Variants in SPDYE1 observed in about 807,000 individuals in gnomAD.
SPDYE1 encodes speedy/RINGO cell cycle regulator family member E1.
A neutral mutation model predicts 45.9 loss-of-function variants in SPDYE1; 29 were observed. The ratio of observed to expected loss-of-function variants is 0.63; its 90% CI spans 0.47 to 0.86. The LOEUF is 0.86. Among genes scored for constraint, SPDYE1 ranks in the 40% least tolerant of loss-of-function variants. The probability of loss-of-function intolerance (pLI) is 0.00; values close to 1 mark genes in which losing one functional copy is unlikely to be tolerated. For synonymous variants in SPDYE1, 134 were observed against 176.8 expected, an observed-to-expected ratio of 0.76 and a Z score of 1.92; for missense variants, 346 against 481.4, an observed-to-expected ratio of 0.72 and a Z score of 2.63.
Position 44,009,293 on chromosome 7 carries a change from T to C in SPDYE1, c.*672T>C, listed in dbSNP as rs1398783497. 8 of 151,772 alleles carry C rather than the reference T, an allele frequency of 5.3e-5. No homozygotes were observed. Among genetic ancestry groups the C allele is most frequent in the African/African-American group, 2.0e-4 (8 of 40,708 alleles). The allele number at this position is 151,772 out of a possible 1,614,324, so 9.4% of individuals were successfully genotyped here. A position where few individuals can be genotyped will look rare whatever the true frequency, so the allele number is the denominator to read the frequency against. On this transcript the variant is annotated 3_prime_UTR_variant, in exon 9 of 9. Transcript: ENST00000693451. Reference sequence around the variant, plus strand: ...TTTTCATTTTTGAGACAATTCTTTTTATCCTAAATATTTTATCATCTTTAA... The same window carrying C: ...TTTTCATTTTTGAGACAATTCTTTTCATCCTAAATATTTTATCATCTTTAA...
intron 4 of SPDYE1, among the ~76,000 whole-genome samples, chr7:44,003,024 A>C (rs2096066005): frequency 1.4e-5 from 1 of 72,740 alleles, no homozygotes; most frequent in Non-Finnish European, 2.6e-5. Flanking sequence ...TTGGGATAAG[A>C]AAGCTTGGTT....
intron 6 of SPDYE1, among the ~76,000 whole-genome samples, chr7:44,006,825 G>A (rs1279981514): frequency 6.6e-6 from 1 of 152,206 alleles, no homozygotes; most frequent in Non-Finnish European, 1.5e-5. Flanking sequence ...TGTTGACCAG[G>A]CTGGTCTCCA....
chr7:44,008,612 T>G, intron 8 of SPDYE1, 55 bp from the exon 9 acceptor site: 3 of 1,214,260 alleles, frequency 2.5e-6, no homozygotes, highest in Non-Finnish European at 3.1e-6. Context: ...GTGAATAACC[T>G]TCCTGTCTAG....
chr7:43,998,083 G>T (rs2096057882), intron 1 of SPDYE1, among the ~76,000 whole-genome samples, 124 bp downstream of exon 1: 1 of 151,990 alleles, frequency 6.6e-6, no homozygotes, highest in Non-Finnish European at 1.5e-5. Flanking sequence ...TTGAAAGCCT[G>T]TTAACTAGGA....
Position 44,007,605 on chromosome 7 carries a change from G to A in SPDYE1, c.1071+19G>A, listed in dbSNP as rs1289410655. 2 of 1,612,572 alleles carry A rather than the reference G, an allele frequency of 1.2e-6. No homozygotes were observed. Among genetic ancestry groups the A allele is most frequent in the African/African-American group, 1.3e-5 (1 of 75,014 alleles). On this transcript the variant is annotated intron_variant, in intron 7 of 8. Coordinates refer to ENST00000693451, the MANE Select transcript of SPDYE1 (RefSeq NM_001378423.2). ...GGAGGAGGTGAGTGGGGCCTGGGGA[G>A]GTGGAGGAGGTGGGGAGGAATTGGG...
chr7:44,008,799 T>C lies in SPDYE1; in HGVS notation c.*178T>C. 1 of 884,204 alleles carries C rather than the reference T, an allele frequency of 1.1e-6. No individual in the cohort carries two copies. Among genetic ancestry groups the C allele is most frequent in the Non-Finnish European group, 1.6e-6 (1 of 616,734 alleles). The allele number at this position is 884,204 out of a possible 1,614,324, so 54.8% of individuals were successfully genotyped here. ...GAACCTGGACCATTCTTGATGGAGC[T>C]GAATACAGTGATCACGTTGTCCTCC... On this transcript the variant is annotated 3_prime_UTR_variant, in exon 9 of 9. Coordinates refer to ENST00000693451, the MANE Select transcript of SPDYE1 (RefSeq NM_001378423.2).
rs1298013341 is a variant in SPDYE1 at position 44,003,841 on chromosome 7, C to T, written c.608-12C>T. 1 of 947,470 alleles carries T rather than the reference C, an allele frequency of 1.1e-6. No homozygotes were observed. The highest frequency in any genetic ancestry group is 1.6e-6 in the Non-Finnish European group (1 of 638,546). The allele number at this position is 947,470 out of a possible 1,614,324, so 58.7% of individuals were successfully genotyped here. A position where few individuals can be genotyped will look rare whatever the true frequency, so the allele number is the denominator to read the frequency against. On this transcript the variant is annotated splice_polypyrimidine_tract_variant and intron_variant, in intron 4 of 8. Transcript: ENST00000693451. ...CCTGCTTCTCACACTGACATCTGCT[C>T]TCTAATCACAGAGGATCCTGTCATT...
At position 44,009,438 on chromosome 7, in the gene SPDYE1, A is replaced by G. The variant is rs1264558044; in HGVS notation, c.*817A>G. 1.3e-5 allele frequency: 2 copies of G among 151,790 alleles called. No individual in the cohort carries two copies. The highest frequency in any genetic ancestry group is 2.9e-5 in the Non-Finnish European group (2 of 67,996). The allele number at this position is 151,790 out of a possible 1,614,324, so 9.4% of individuals were successfully genotyped here. The stretch of plus-strand genomic sequence containing the variant: ...AGTTCCCCTAAATTCTGACGATAGA[A>G]ATTTTTATTTGCTGTTTAGGTTTGT... On this transcript the variant is annotated 3_prime_UTR_variant, in exon 9 of 9. Transcript: ENST00000693451.
chr7:44,002,650 G>T lies in SPDYE1; in HGVS notation c.440G>T (p.Trp147Leu). The T allele has an allele frequency of 6.3e-7, 1 of 1,597,538 alleles. No homozygotes were observed. The highest frequency in any genetic ancestry group is 8.5e-7 in the Non-Finnish European group (1 of 1,179,912). Residue 147 changes from tryptophan to leucine, a missense_variant, in exon 4 of 9, where the codon TGG becomes TTG. Physicochemically the swap from Trp to Leu is moderately conservative, Grantham distance 61 (BLOSUM62 -2). Around this residue, in one of 4 missense-constraint regions of SPDYE1, gnomAD observed 141 missense variants for 176.7 expected, o/e 0.80. Transcript: ENST00000693451. Reference sequence around the variant, plus strand: ...TTTTGCTGGAAAAGGAAGATGGAGTGGTGGGACAAATCTGAGGAGTCGGAG... The same window carrying T: ...TTTTGCTGGAAAAGGAAGATGGAGTTGTGGGACAAATCTGAGGAGTCGGAG... ...RSFCWKRKMEWWDKSEESEEE... is the reference protein window; with the variant it reads ...RSFCWKRKMELWDKSEESEEE...
chr7:44,007,848 T>C lies in SPDYE1; in HGVS notation c.*45+35T>C, dbSNP rs560128278. Reference sequence around the variant, plus strand: ...CATCCTCCGGGGTAAAGGCAGAATATTGGGGTCTATTTCGGAAATCCGAAG... The same window carrying C: ...CATCCTCCGGGGTAAAGGCAGAATACTGGGGTCTATTTCGGAAATCCGAAG... On this transcript the variant is annotated intron_variant, in intron 8 of 8. Coordinates refer to ENST00000693451, the MANE Select transcript of SPDYE1 (RefSeq NM_001378423.2). 157 of 1,592,258 alleles carry C rather than the reference T, an allele frequency of 9.9e-5. No individual in the cohort carries two copies. The African/African-American group carries it at 1.0e-3, about 10-fold the overall frequency.
Position 44,005,205 on chromosome 7 carries a change from C to T in SPDYE1, c.730C>T (p.Arg244Cys), listed in dbSNP as rs529238143. 1.4e-4 allele frequency: 232 copies of T among 1,612,040 alleles called. 1 individual carries two copies. The South Asian group carries it at 2.2e-3, about 15-fold the overall frequency. Residue 244 changes from arginine to cysteine, a missense_variant, in exon 6 of 9, where the codon CGC becomes TGC. Around this residue, in one of 4 missense-constraint regions of SPDYE1, gnomAD observed 186 missense variants for 219.1 expected, o/e 0.85. Coordinates refer to ENST00000693451, the MANE Select transcript of SPDYE1 (RefSeq NM_001378423.2). The stretch of plus-strand genomic sequence containing the variant: ...CGGCTTCCCCTCCTGGCAATACCAA[C>T]GCCTTCATTTCTTCCTGGCTCTGTG... ...RAGFPSWQYQ[R>C]LHFFLALYLA...
At chr7:44,001,341 T>G in intron 3 of SPDYE1, 57 bp downstream of exon 3, 1 of 1,588,406 alleles carries the variant, frequency 6.3e-7, no homozygotes. Context: ...AAGAGGAAAC[T>G]TCCAATAACC....
rs2096073890 is a variant in SPDYE1 at position 44,007,826 on chromosome 7, C to T, written c.*45+13C>T. 6.2e-7 allele frequency: 1 copy of T among 1,600,510 alleles called. No individual in the cohort carries two copies. Among genetic ancestry groups the T allele is most frequent in the Non-Finnish European group, 8.5e-7 (1 of 1,176,706 alleles). ...GGCCTGAGAGAAGGTACATCTGCAT[C>T]CTCCGGGGTAAAGGCAGAATATTGG... On this transcript the variant is annotated intron_variant, in intron 8 of 8. Transcript: ENST00000693451.
chr7:44,008,081 G>A (rs1210527685), intron 8 of SPDYE1, among the ~76,000 whole-genome samples: 8 of 152,186 alleles, frequency 5.3e-5, no homozygotes, highest in Non-Finnish European at 1.2e-4. Flanking sequence ...GCGACAGAGT[G>A]AGACCCTGCC....
At position 44,006,110 on chromosome 7, in the gene SPDYE1, T is replaced by C. The variant is rs534807019; in HGVS notation, c.752+883T>C. 2.5e-3 allele frequency among the ~76,000 whole-genome samples: 388 copies of C among 152,296 alleles called. 1 individual carries two copies. Among genetic ancestry groups the C allele is most frequent in the Non-Finnish European group, 4.8e-3 (325 of 68,034 alleles). On this transcript the variant is annotated intron_variant, in intron 6 of 8. Coordinates refer to ENST00000693451, the MANE Select transcript of SPDYE1 (RefSeq NM_001378423.2). ...AGGGTCCACAGTATCAATTCTACCC[T>C]CTCTACAATCTCTACAAGCACACTG...
chr7:44,004,187 A>G (rs2096068107), intron 5 of SPDYE1: 1 of 550,048 alleles, frequency 1.8e-6, no homozygotes, highest in Admixed American at 3.1e-5. Context: ...GACATGAACC[A>G]CCACGCCTGG....
chr7:43,998,314 AG>A (rs2096058179), intron 1 of SPDYE1, among the ~76,000 whole-genome samples: 1 of 151,756 alleles, frequency 6.6e-6, no homozygotes, highest in South Asian at 2.1e-4. Context: ...ACTCACTCGC[AG>A]GTTCTTTATT....
Position 44,008,937 on chromosome 7 carries a change from T to C in SPDYE1, c.*316T>C, listed in dbSNP as rs999758381. The C allele has an allele frequency of 4.2e-5, 23 of 550,176 alleles. No individual in the cohort carries two copies. The highest frequency in any genetic ancestry group is 1.1e-4 in the Admixed American group (5 of 47,172). 34.1% of individuals were successfully genotyped at this position (550,176 alleles called of 1,614,324 possible). A position where few individuals can be genotyped will look rare whatever the true frequency, so the allele number is the denominator to read the frequency against. On this transcript the variant is annotated 3_prime_UTR_variant, in exon 9 of 9. Coordinates refer to ENST00000693451, the MANE Select transcript of SPDYE1 (RefSeq NM_001378423.2). ...CTTTCCTGGGGCACCACCACCCTTT[T>C]TATATTGCTGAATTCCAACCTCCCT...
At position 44,001,150 on chromosome 7, in the gene SPDYE1, C is replaced by T. The variant is rs1314500878; in HGVS notation, c.245C>T (p.Pro82Leu). The change falls in exon 3 of 9, where the codon CCG becomes CTG. Residue 82 changes from proline (P) to leucine (L), a missense_variant. By Grantham distance (98) the Pro-to-Leu change is moderately conservative (BLOSUM62 -3). Around this residue, in one of 4 missense-constraint regions of SPDYE1, gnomAD observed 141 missense variants for 176.7 expected, o/e 0.80. Coordinates refer to ENST00000693451, the MANE Select transcript of SPDYE1 (RefSeq NM_001378423.2). ...REWSDESEEE[P>L]EKELAPEPEE... The stretch of plus-strand genomic sequence containing the variant: ...TGGTCAGATGAATCTGAGGAGGAGC[C>T]GGAGAAGGAGCTCGCCCCTGAGCCT... The T allele has an allele frequency of 1.1e-5, 18 of 1,598,182 alleles. No homozygotes were observed. The highest frequency in any genetic ancestry group is 2.2e-5 in the South Asian group (2 of 90,996).
Sources: allele counts gnomAD v4.1 joint callset (sites outside exome capture counted in the v4.1 genomes callset), GRCh38; gene constraint gnomAD v4.1.1; regional missense constraint gnomAD v4.1.1; transcripts MANE v1.5; gene names NCBI Gene and HGNC (gene_info 2026-07-23, HGNC 2026-07-21).